The following ZNRF1 variants were observed in gnomAD, a reference collection of about 807,000 sequenced individuals.
ZNRF1 encodes E3 ubiquitin-protein ligase ZNRF1.
Under a neutral mutation model 18.4 loss-of-function variants are expected in ZNRF1, and 3 were observed. That is an observed-to-expected ratio of 0.16 (90% confidence interval 0.07 to 0.42). ZNRF1 has a LOEUF of 0.42. Ranked by LOEUF, ZNRF1 falls within the 10% of genes least tolerant of loss-of-function variation. The pLI is 0.99. For missense variants in ZNRF1, 310 were observed against 329.8 expected (o/e 0.94, Z 0.47); for synonymous variants, 157 against 144.2 (o/e 1.09, Z -0.64).
At chr16:75,042,638 G>A (rs2035464429) in intron 1 of ZNRF1, among the ~76,000 whole-genome samples, 1 of 151,964 alleles carries the variant, frequency 6.6e-6, no homozygotes, top group African/African-American at 2.4e-5. Flanking sequence ...GTAACTTTAT[G>A]ATAAGTTTTG....
At chr16:75,010,483 T>G (rs2034980652) in intron 1 of ZNRF1, among the ~76,000 whole-genome samples, 1 of 152,104 alleles carries the variant, frequency 6.6e-6, no homozygotes, top group South Asian at 2.1e-4. Context: ...TATGAGTACT[T>G]TGGCTGTTGG....
Position 75,060,413 on chromosome 16 carries a change from A to C in ZNRF1, c.425-33159A>C, listed in dbSNP as rs921178321. On this transcript the variant is annotated intron_variant, in intron 1 of 4. Coordinates refer to ENST00000335325, the MANE Select transcript of ZNRF1 (RefSeq NM_032268.5). ...TGGCAGGAGCAGGGAAATATATCCT[A>C]TCTCTACATTTGAGCACAATGACCA... Among the ~76,000 whole-genome samples the C allele has an allele frequency of 4.0e-5, 6 of 149,146 alleles. No individual in the cohort carries two copies. In the South Asian group the frequency reaches 8.5e-4, roughly 21 times the overall value.
At chr16:75,101,972 C>T (rs1038566284) in intron 2 of ZNRF1, among the ~76,000 whole-genome samples, 7 of 152,210 alleles carry the variant, frequency 4.6e-5, no homozygotes, top group African/African-American at 1.7e-4. Context: ...TTGTGTCACC[C>T]TTTCAGGTGG....
At chr16:75,047,919 A>G (rs1367373484) in intron 1 of ZNRF1, among the ~76,000 whole-genome samples, 2 of 150,066 alleles carry the variant, frequency 1.3e-5, no homozygotes, top group Non-Finnish European at 2.9e-5. Flanking sequence ...GTGTCCTGAC[A>G]TGGTCTTCCC....
At chr16:75,047,048 T>C (rs947119714) in intron 1 of ZNRF1, among the ~76,000 whole-genome samples, 3 of 152,186 alleles carry the variant, frequency 2.0e-5, no homozygotes, top group Non-Finnish European at 4.4e-5. Context: ...GGATATAATC[T>C]GTCTCTTGCC....
chr16:75,036,345 G>A (rs920385584), intron 1 of ZNRF1, among the ~76,000 whole-genome samples: 1 of 152,110 alleles, frequency 6.6e-6, no homozygotes, highest in African/African-American at 2.4e-5. Flanking sequence ...TAGCCAGGCT[G>A]GTCTTGAACT....
intron 1 of ZNRF1, among the ~76,000 whole-genome samples, chr16:75,088,275 C>G (rs1473153471): frequency 6.6e-6 from 1 of 152,132 alleles, no homozygotes; most frequent in East Asian, 1.9e-4. Context: ...AGGAAAGAAG[C>G]TGGGGATATT....
chr16:75,009,214 A>G (rs1427259497), intron 1 of ZNRF1, among the ~76,000 whole-genome samples: 2 of 151,852 alleles, frequency 1.3e-5, no homozygotes, highest in Non-Finnish European at 2.9e-5. Context: ...TCTGAACTTC[A>G]CAACATCTAC....
intron 4 of ZNRF1, chr16:75,107,070 C>T (rs1251702960): frequency 5.9e-6 from 1 of 168,364 alleles, no homozygotes; most frequent in Non-Finnish European, 1.3e-5. Flanking sequence ...CATTTGACCA[C>T]TGCTTCTTCC....
chr16:75,009,408 C>G (rs893965145), intron 1 of ZNRF1, among the ~76,000 whole-genome samples: 2 of 152,182 alleles, frequency 1.3e-5, no homozygotes, highest in African/African-American at 4.8e-5. Flanking sequence ...TGTCCTATTT[C>G]ACTTAGCGTA....
chr16:75,068,946 A>G (rs1362748353), intron 1 of ZNRF1, among the ~76,000 whole-genome samples: 3 of 151,990 alleles, frequency 2.0e-5, no homozygotes, highest in Admixed American at 6.6e-5. Flanking sequence ...GCATTAAAAA[A>G]TTCGAGGGTC....
chr16:75,000,029 T>A lies in ZNRF1; in HGVS notation c.358T>A (p.Ser120Thr), dbSNP rs1237090552. ...TAGAGACGGGATGCTGTACCTGGGC[T>A]CCCGAGCCTCGCTGGCGGATGCTCT... ...HHRDGMLYLG[S>T]RASLADALPL... The change falls in exon 1 of 5, where the codon TCC (serine) becomes ACC (threonine). Residue 120 changes from serine to threonine, a missense_variant. By Grantham distance (58) the Ser-to-Thr change is moderately conservative (BLOSUM62 1). Transcript: ENST00000335325. The A allele has an allele frequency of 1.3e-6, 2 of 1,595,770 alleles. No individual in the cohort carries two copies. The highest frequency in any genetic ancestry group is 2.3e-5 in the South Asian group (2 of 87,638).
At chr16:75,077,478 G>A (rs890620495) in intron 1 of ZNRF1, among the ~76,000 whole-genome samples, 1 of 152,214 alleles carries the variant, frequency 6.6e-6, no homozygotes, top group African/African-American at 2.4e-5. Context: ...GTTGCGGTGA[G>A]CCAAGACCGC....
At chr16:75,043,640 T>C (rs375344063) in intron 1 of ZNRF1, among the ~76,000 whole-genome samples, 2 of 152,046 alleles carry the variant, frequency 1.3e-5, no homozygotes, top group African/African-American at 4.8e-5. Context: ...GAGCTCACAA[T>C]CTGATAAACT....
In ZNRF1 at chr16:74,999,575, C is replaced by CTTTTTGACTCCTTTTTGA. The variant is rs1350653238; in HGVS notation, c.-97_-96insTTTTTGACTCCTTTTTGA. ...TCCCTCCGGGTCTCCTTTTTGACTC[C>CTTTTTGACTCCTTTTTGA]CTCCCCCTTTATGCTCGCCCAGCCC... is the stretch of plus-strand genomic sequence containing the variant. On this transcript the variant is annotated 5_prime_UTR_variant, in exon 1 of 5. Coordinates refer to ENST00000335325, the MANE Select transcript of ZNRF1 (RefSeq NM_032268.5). 1.1e-6 allele frequency: 1 copy of CTTTTTGACTCCTTTTTGA among 927,640 alleles called. No individual in the cohort carries two copies. Among genetic ancestry groups the CTTTTTGACTCCTTTTTGA allele is most frequent in the Non-Finnish European group, 1.4e-6 (1 of 697,682 alleles). The allele number at this position is 927,640 out of a possible 1,614,324, so 57.5% of individuals were successfully genotyped here.
At chr16:75,057,465 T>G (rs2035683082) in intron 1 of ZNRF1, among the ~76,000 whole-genome samples, 1 of 152,140 alleles carries the variant, frequency 6.6e-6, no homozygotes. Context: ...CTTGGCCTGT[T>G]TGGTGTAGCA....
At chr16:75,012,434 C>A (rs1233711601) in intron 1 of ZNRF1, among the ~76,000 whole-genome samples, 1 of 152,126 alleles carries the variant, frequency 6.6e-6, no homozygotes, top group Non-Finnish European at 1.5e-5. Flanking sequence ...GTCTGTGCCC[C>A]CCTTTTCCAT....
Position 75,097,027 on chromosome 16 carries a change from C to T in ZNRF1, c.520+3360C>T, listed in dbSNP as rs532715861. ...ATGTTAAACCCCCTGTCCTCCTAAG[C>T]GCCTTCCTGGAAGGTGAGGATACTG... On this transcript the variant is annotated intron_variant, in intron 2 of 4. Transcript: ENST00000335325. Among the ~76,000 whole-genome samples the T allele has an allele frequency of 2.6e-4, 40 of 152,208 alleles. 1 individual carries two copies. The highest frequency in any genetic ancestry group is 9.4e-4 in the African/African-American group (39 of 41,512).
intron 2 of ZNRF1, 117 bp downstream of exon 2, chr16:75,093,784 G>A (rs1335568283): frequency 4.1e-6 from 3 of 733,426 alleles, no homozygotes; most frequent in Non-Finnish European, 7.1e-6. Flanking sequence ...CTGCCCTCTG[G>A]CAGGTGTGCC....
Sources: gnomAD v4.1 joint callset for allele counts (sites outside exome capture counted in the v4.1 genomes callset) on GRCh38, gnomAD v4.1.1 for gene constraint, MANE v1.5 for transcripts, NCBI Gene and HGNC (gene_info 2026-07-23, HGNC 2026-07-21) for gene names.